DLG4: variants seen among roughly 807,000 people sequenced by gnomAD.
DLG4 encodes the protein discs large MAGUK scaffold protein 4, also known as disks large homolog 4.
In DLG4, 7 loss-of-function variants were observed where a neutral mutation model predicts 93.8. The ratio of observed to expected loss-of-function variants is 0.07; its 90% CI spans 0.04 to 0.14. The LOEUF is 0.14. DLG4 is among the 10% of genes least tolerant of loss of function. DLG4 has a pLI of 1.00. For synonymous variants in DLG4, 341 were observed against 387.6 expected, an observed-to-expected ratio of 0.88 and a Z score of 1.41; for missense variants, 545 against 992.9, an observed-to-expected ratio of 0.55 and a Z score of 6.06.
upstream of DLG4, chr17:7,218,136 G>T: frequency 9.1e-7 from 1 of 1,093,928 alleles, no homozygotes; most frequent in African/African-American, 1.6e-5. Flanking sequence ...TCAGGCTTTT[G>T]TCAGCAGGGC....
chr17:7,219,878 G>T (rs750033388), upstream of DLG4: 2 of 1,541,252 alleles, frequency 1.3e-6, no homozygotes, highest in Non-Finnish European at 1.7e-6. Flanking sequence ...TCCGCCGCCC[G>T]GTGCACTGTG....
chr17:7,191,884 C>T lies in DLG4; in HGVS notation c.1976+9G>A. 1 of 1,460,732 alleles carries T rather than the reference C, an allele frequency of 6.8e-7. No homozygotes were observed. Among genetic ancestry groups the T allele is most frequent in the Admixed American group, 2.5e-5 (1 of 39,912 alleles). The allele number at this position is 1,460,732 out of a possible 1,614,324, so 90.5% of individuals were successfully genotyped here. On this transcript the variant is annotated intron_variant, in intron 18 of 19. Transcript: ENST00000399506. This position sits in a 1 kb window ranked among gnomAD's most constrained non-coding sequence, Gnocchi z 6.6. ...GGAGCAAAGGGGAGGCCCCCAGGAC[C>T]ATACTCACAGCACATTCTCCAGGGA...
At chr17:7,218,781 C>A, upstream of DLG4, 2 of 1,610,688 alleles carry the variant, frequency 1.2e-6, no homozygotes, top group Non-Finnish European at 1.7e-6. Flanking sequence ...GAGCCCCAGC[C>A]CCCCACTTCG....
intron 1 of DLG4, among the ~76,000 whole-genome samples, chr17:7,216,091 C>T (rs2070900594): frequency 6.6e-6 from 1 of 151,592 alleles, no homozygotes; most frequent in Admixed American, 6.6e-5. Context: ...CCATCGCTGC[C>T]AGCCCTGCCC....
rs1429955936 is a variant in DLG4 at position 7,196,428 on chromosome 17, A to G, written c.1186+45T>C. ...AAGCCATCAGCTGAGGAAGAGTTCTAAGGGCCATTTCAGCTCACAAGACAA... is the reference window on the plus strand; with the variant it reads ...AAGCCATCAGCTGAGGAAGAGTTCTGAGGGCCATTTCAGCTCACAAGACAA... On this transcript the variant is annotated intron_variant, in intron 10 of 19. Transcript: ENST00000399506. The surrounding 1 kb of genome is among the most constrained non-coding windows in gnomAD (Gnocchi z 8.3). 1.5e-5 allele frequency: 24 copies of G among 1,610,058 alleles called. No homozygotes were observed. The highest frequency in any genetic ancestry group is 2.0e-5 in the Non-Finnish European group (23 of 1,176,450).
chr17:7,208,151 TGCA>T lies in DLG4; in HGVS notation c.96+20_96+22del. 1 of 1,318,874 alleles carries T rather than the reference TGCA, an allele frequency of 7.6e-7. No homozygotes were observed. The highest frequency in any genetic ancestry group is 9.8e-7 in the Non-Finnish European group (1 of 1,024,246). The allele number at this position is 1,318,874 out of a possible 1,614,324, so 81.7% of individuals were successfully genotyped here. A position where few individuals can be genotyped will look rare whatever the true frequency, so the allele number is the denominator to read the frequency against. On this transcript the variant is annotated intron_variant, in intron 2 of 19. Transcript: ENST00000399506. This position sits in a 1 kb window ranked among gnomAD's most constrained non-coding sequence, Gnocchi z 5.4. ...GTGGGACAAGTTCCTCTCCGCCACG[TGCA>T]CCAGCTCGGGGGCGTTTACCTGGTT...
In DLG4 at chr17:7,196,017, G is replaced by A. The variant is rs913703008; in HGVS notation, c.1301+203C>T. On this transcript the variant is annotated intron_variant, in intron 11 of 19. Transcript: ENST00000399506. The surrounding 1 kb of genome is among the most constrained non-coding windows in gnomAD (Gnocchi z 8.3). ...CTAGAAGGCAATTGGGATACTTGGG[G>A]CAGAGGCTATTTTCCCATCGACAGG... is the stretch of plus-strand genomic sequence containing the variant. 6.6e-6 allele frequency among the ~76,000 whole-genome samples: 1 copy of A among 152,198 alleles called. No homozygotes were observed. Among genetic ancestry groups the A allele is most frequent in the Admixed American group, 6.5e-5 (1 of 15,290 alleles).
At position 7,203,657 on chromosome 17, in the gene DLG4, G is replaced by A. The variant is rs747139730; in HGVS notation, c.335+35C>T. ...GCTGCCCTGGCCCTCCCTCTCCAGG[G>A]ACCAAGCAACCTAACCCCTGTCTCC... On this transcript the variant is annotated intron_variant, in intron 5 of 19. Transcript: ENST00000399506. The surrounding 1 kb of genome is among the most constrained non-coding windows in gnomAD (Gnocchi z 7.2). The A allele has an allele frequency of 6.8e-6, 11 of 1,612,410 alleles. No individual in the cohort carries two copies. The Admixed American group carries it at 1.3e-4, about 20-fold the overall frequency.
intron 1 of DLG4, among the ~76,000 whole-genome samples, chr17:7,210,726 G>C (rs1034929028): frequency 6.6e-6 from 1 of 152,178 alleles, no homozygotes; most frequent in African/African-American, 2.4e-5. Flanking sequence ...AAAGCTCCAA[G>C]TTTTGGAGTC....
intron 8 of DLG4, chr17:7,202,700 G>A (rs2070208652): frequency 1.5e-6 from 1 of 687,760 alleles, no homozygotes; most frequent in South Asian, 2.6e-5. Flanking sequence ...TGCCTTCCAG[G>A]AGAGAGATCG....
At chr17:7,205,544 C>T (rs899928713) in intron 2 of DLG4, among the ~76,000 whole-genome samples, 2 of 152,146 alleles carry the variant, frequency 1.3e-5, no homozygotes, top group African/African-American at 4.8e-5. Flanking sequence ...ACTGCTATTT[C>T]TCAAGCCTAC....
intron 1 of DLG4, among the ~76,000 whole-genome samples, chr17:7,216,823 A>G (rs934739570): frequency 2.6e-5 from 4 of 151,856 alleles, no homozygotes; most frequent in African/African-American, 9.7e-5. Flanking sequence ...CTTCTCCTTA[A>G]ATAAGTCTCC....
At chr17:7,218,422 A>G (rs2071034156), upstream of DLG4, 2 of 1,371,536 alleles carry the variant, frequency 1.5e-6, no homozygotes, top group Non-Finnish European at 2.0e-6. Context: ...AGGACACCAT[A>G]GGCAGGACCC....
intron 8 of DLG4, among the ~76,000 whole-genome samples, chr17:7,201,289 AT>A (rs2070120090): frequency 6.6e-6 from 1 of 152,214 alleles, no homozygotes; most frequent in African/African-American, 2.4e-5. Flanking sequence ...AAATGTAACT[AT>A]TCTCCTTGTC....
Position 7,187,895 on chromosome 17 carries a change from C to G in DLG4, c.*2813G>C, listed in dbSNP as rs1242908668. Among the ~76,000 whole-genome samples, 3 of 152,000 alleles carry G rather than the reference C, an allele frequency of 2.0e-5. No individual in the cohort carries two copies. Among genetic ancestry groups the G allele is most frequent in the African/African-American group, 7.3e-5 (3 of 41,378 alleles). On this transcript the variant is annotated 3_prime_UTR_variant, in exon 20 of 20. Coordinates refer to ENST00000399506, the MANE Select transcript of DLG4 (RefSeq NM_001321075.3). ...ACCAGCTTGGCTAACATGGTGAAAC[C>G]CCGTTTCTACTAAAAATATTAAAAA...
intron 8 of DLG4, among the ~76,000 whole-genome samples, chr17:7,198,314 C>T (rs865865664): frequency 1.3e-5 from 2 of 151,854 alleles, no homozygotes; most frequent in Middle Eastern, 3.2e-3. Context: ...GAAATCCCGT[C>T]TCTACTAAAA....
At chr17:7,205,225 T>C (rs913980053) in intron 2 of DLG4, 1 of 940,926 alleles carries the variant, frequency 1.1e-6, no homozygotes, top group Non-Finnish European at 1.3e-6. Flanking sequence ...ATCCCGCTCA[T>C]CTACTCCCTC....
At chr17:7,204,405 C>T in intron 2 of DLG4, 153 bp from the exon 3 acceptor site, 2 of 666,434 alleles carry the variant, frequency 3.0e-6, no homozygotes, top group Non-Finnish European at 5.1e-6. Context: ...AGCCTCAATC[C>T]ACATCACACA....
chr17:7,192,254 G>A, intron 17 of DLG4: 2 of 418,150 alleles, frequency 4.8e-6, no homozygotes, highest in Non-Finnish European at 8.4e-6. Flanking sequence ...ATGGAGGAAG[G>A]GAGGAGCACC....
Sources: gnomAD v4.1 joint callset for allele counts (sites outside exome capture counted in the v4.1 genomes callset) on GRCh38, gnomAD v4.1.1 for gene constraint, Gnocchi (gnomAD v3.1) non-coding constraint, MANE v1.5 for transcripts, NCBI Gene and HGNC (gene_info 2026-07-23, HGNC 2026-07-21) for gene names.